CLN6: variants seen among roughly 807,000 people sequenced by gnomAD.
CLN6 encodes the protein ceroid-lipofuscinosis neuronal protein 6.
In CLN6, 22 loss-of-function variants were observed where a neutral mutation model predicts 33.3. The observed-to-expected ratio is 0.66, with a 90% confidence interval of 0.47 to 0.94. The LOEUF (loss-of-function observed/expected upper bound fraction) is 0.94. Among genes scored for constraint, CLN6 ranks in the 40% least tolerant of loss-of-function variants. CLN6 has a pLI of 0.00. For synonymous variants in CLN6, 201 were observed against 174.6 expected (o/e 1.15, Z -1.19); for missense variants, 387 against 417.1 (o/e 0.93, Z 0.63).
At chr15:68,251,588 T>C (rs1242104571) in intron 1 of CLN6, among the ~76,000 whole-genome samples, 1 of 152,080 alleles carries the variant, frequency 6.6e-6, no homozygotes, top group Non-Finnish European at 1.5e-5. Context: ...GGCAGAAGAA[T>C]CGCTTGAGCC....
intron 1 of CLN6, chr15:68,255,010 T>A: frequency 1.4e-6 from 1 of 718,174 alleles, no homozygotes; most frequent in Non-Finnish European, 2.5e-6. Flanking sequence ...TACCTTTTTT[T>A]TAAGCTATGT....
At chr15:68,234,302 G>A (rs1368429405), upstream of CLN6, among the ~76,000 whole-genome samples, 1 of 152,192 alleles carries the variant, frequency 6.6e-6, no homozygotes, top group South Asian at 2.1e-4. The surrounding 1 kb of genome is among the most constrained non-coding windows in gnomAD (Gnocchi z 4.1). Context: ...GCAGAATGTG[G>A]GTGGCCTCTT....
In CLN6 at chr15:68,229,521, C is replaced by T. The variant is rs527373013; in HGVS notation, c.64G>A (p.Ala22Thr). 52 of 1,466,290 alleles carry T rather than the reference C, an allele frequency of 3.5e-5. No individual in the cohort carries two copies. The highest frequency in any genetic ancestry group is 3.9e-5 in the Non-Finnish European group (44 of 1,114,116). 90.8% of individuals were successfully genotyped at this position (1,466,290 alleles called of 1,614,324 possible). ...GCCCACCTGGCCTGCAGGAAGGAGG[C>T]GCCCAGCTGCGCGCCTGGGCCGCCC... is the stretch of plus-strand genomic sequence containing the variant. Reference protein sequence around the residue: ...ATGGPGAQLGASFLQARHGSV... With the variant: ...ATGGPGAQLGTSFLQARHGSV... The change falls in exon 1 of 7, where the codon GCC becomes ACC. Residue 22 changes from alanine (A) to threonine (T), a missense_variant. Ala to Thr is a moderately conservative substitution (Grantham distance 58). Coordinates refer to ENST00000249806, the MANE Select transcript of CLN6 (RefSeq NM_017882.3).
intron 1 of CLN6, among the ~76,000 whole-genome samples, chr15:68,245,119 T>G (rs1892317934): frequency 6.6e-6 from 1 of 150,636 alleles, no homozygotes; most frequent in South Asian, 2.1e-4. Context: ...GGAGATGGAG[T>G]TAAAGTGCAG....
At chr15:68,234,069 G>A (rs897147048), upstream of CLN6, among the ~76,000 whole-genome samples, 1 of 152,166 alleles carries the variant, frequency 6.6e-6, no homozygotes, top group East Asian at 1.9e-4. This position sits in a 1 kb window ranked among gnomAD's most constrained non-coding sequence, Gnocchi z 4.1. Flanking sequence ...GGATTTAGGG[G>A]TGTCTTAGGG....
Position 68,208,106 on chromosome 15 carries a change from A to ACCCCC in CLN6, c.*33_*34insGGGGG. On this transcript the variant is annotated 3_prime_UTR_variant, in exon 7 of 7. Transcript: ENST00000249806. This position sits in a 1 kb window ranked among gnomAD's most constrained non-coding sequence, Gnocchi z 5.8. ...GATGCCCTCCATGGCCCACCCTCCC[A>ACCCCC]CCCAGCAGAGCGCCAGAGCCTGGTG... 2.5e-5 allele frequency: 11 copies of ACCCCC among 441,300 alleles called. No homozygotes were observed. Among genetic ancestry groups the ACCCCC allele is most frequent in the Admixed American group, 3.1e-5 (1 of 31,778 alleles). 27.3% of individuals were successfully genotyped at this position (441,300 alleles called of 1,614,324 possible).
intron 1 of CLN6, among the ~76,000 whole-genome samples, chr15:68,249,737 G>A (rs1251950547): frequency 6.6e-6 from 1 of 152,142 alleles, no homozygotes; most frequent in African/African-American, 2.4e-5. Context: ...TATTCGATAA[G>A]GTGACTGTAG....
Position 68,210,814 on chromosome 15 carries a change from G to A in CLN6, c.542+449C>T, listed in dbSNP as rs533824395. On this transcript the variant is annotated intron_variant, in intron 5 of 6. Coordinates refer to ENST00000249806, the MANE Select transcript of CLN6 (RefSeq NM_017882.3). This position sits in a 1 kb window ranked among gnomAD's most constrained non-coding sequence, Gnocchi z 5.6. ...CCCAGCCTGATCCAGCTGGCTCCCC[G>A]CAGCTTCCTCCACTCCCAAAGAGCA... Among the ~76,000 whole-genome samples, 8 of 152,268 alleles carry A rather than the reference G, an allele frequency of 5.3e-5. No individual in the cohort carries two copies. The highest frequency in any genetic ancestry group is 7.2e-5 in the African/African-American group (3 of 41,558).
At chr15:68,237,180 A>AC (rs1892228565) in intron 1 of CLN6, among the ~76,000 whole-genome samples, 2 of 149,916 alleles carry the variant, frequency 1.3e-5, no homozygotes, top group East Asian at 4.0e-4. Flanking sequence ...AAAAAAAAAA[A>AC]AAAAAAAAAC....
At position 68,227,612 on chromosome 15, in the gene CLN6, C is replaced by T. The variant is rs560748621; in HGVS notation, c.83+1890G>A. Among the ~76,000 whole-genome samples the T allele has an allele frequency of 2.0e-5, 3 of 152,324 alleles. No homozygotes were observed. The highest frequency in any genetic ancestry group is 7.2e-5 in the African/African-American group (3 of 41,590). ...TGGGAATACCCTGGCTGGTGGGGAGCTCACACAGGGGAAGAGGGACATGAC... is the reference window on the plus strand; with the variant it reads ...TGGGAATACCCTGGCTGGTGGGGAGTTCACACAGGGGAAGAGGGACATGAC... On this transcript the variant is annotated intron_variant, in intron 1 of 6. Coordinates refer to ENST00000249806, the MANE Select transcript of CLN6 (RefSeq NM_017882.3). This position sits in a 1 kb window ranked among gnomAD's most constrained non-coding sequence, Gnocchi z 4.1.
At position 68,210,953 on chromosome 15, in the gene CLN6, G is replaced by A. The variant is rs781639564; in HGVS notation, c.542+310C>T. 1.6e-4 allele frequency among the ~76,000 whole-genome samples: 24 copies of A among 152,156 alleles called. No homozygotes were observed. The highest frequency in any genetic ancestry group is 4.6e-4 in the African/African-American group (19 of 41,436). On this transcript the variant is annotated intron_variant, in intron 5 of 6. Transcript: ENST00000249806. The surrounding 1 kb of genome is among the most constrained non-coding windows in gnomAD (Gnocchi z 5.6). ...CCCACCCTCAGGGCTCAGGCTTGGCGAGGAAGGACCAAAGCCACTCGCTGC... is the reference window on the plus strand; with the variant it reads ...CCCACCCTCAGGGCTCAGGCTTGGCAAGGAAGGACCAAAGCCACTCGCTGC...
In CLN6 at chr15:68,227,644, G is replaced by C. The variant is rs1385654636; in HGVS notation, c.83+1858C>G. 1.3e-5 allele frequency among the ~76,000 whole-genome samples: 2 copies of C among 152,214 alleles called. No homozygotes were observed. The highest frequency in any genetic ancestry group is 4.8e-5 in the African/African-American group (2 of 41,454). ...AGGGGAAGAGGGACATGACTCCTTA[G>C]CAGCCAAAGTGGAGTCGTAAGAGCA... On this transcript the variant is annotated intron_variant, in intron 1 of 6. Coordinates refer to ENST00000249806, the MANE Select transcript of CLN6 (RefSeq NM_017882.3). This position sits in a 1 kb window ranked among gnomAD's most constrained non-coding sequence, Gnocchi z 4.1.
rs1256385648 is a variant in CLN6 at position 68,227,045 on chromosome 15, C to CTT, written c.83+2455_83+2456dup. ...TACTTTCTTTTCTTTTCTTTTTTTACTTTTTTTTTTTTTTGAGACAGTCTC... is the reference window on the plus strand; with the variant it reads ...TACTTTCTTTTCTTTTCTTTTTTTACTTTTTTTTTTTTTTTTGAGACAGTCTC... On this transcript the variant is annotated intron_variant, in intron 1 of 6. Coordinates refer to ENST00000249806, the MANE Select transcript of CLN6 (RefSeq NM_017882.3). The surrounding 1 kb of genome is among the most constrained non-coding windows in gnomAD (Gnocchi z 4.1). Among the ~76,000 whole-genome samples, 158 of 142,974 alleles carry CTT rather than the reference C, an allele frequency of 1.1e-3. 1 individual carries two copies. The highest frequency in any genetic ancestry group is 3.9e-3 in the African/African-American group (152 of 39,304). 93.8% of individuals were successfully genotyped at this position (142,974 alleles called of 152,430 possible).
chr15:68,254,999 T>G (rs1892419552), intron 1 of CLN6: 1 of 757,932 alleles, frequency 1.3e-6, no homozygotes, highest in East Asian at 2.5e-5. Context: ...GAATTTTGTT[T>G]TACCTTTTTT....
Position 68,218,458 on chromosome 15 carries a change from T to A in CLN6, c.198+78A>T, listed in dbSNP as rs1291153352. On this transcript the variant is annotated intron_variant, in intron 2 of 6. Coordinates refer to ENST00000249806, the MANE Select transcript of CLN6 (RefSeq NM_017882.3). ...GGAGATAAAGGAGAAGTGACTTGTC[T>A]AAGGTCACTCGGCAAATTCAAGCCA... is the stretch of plus-strand genomic sequence containing the variant. The A allele has an allele frequency of 5.8e-6, 6 of 1,030,596 alleles. No homozygotes were observed. The South Asian group carries it at 7.6e-5, about 13-fold the overall frequency. 63.8% of individuals were successfully genotyped at this position (1,030,596 alleles called of 1,614,324 possible).
At chr15:68,239,551 T>C (rs755783709) in intron 1 of CLN6, among the ~76,000 whole-genome samples, 13 of 152,094 alleles carry the variant, frequency 8.5e-5, no homozygotes, top group Non-Finnish European at 1.8e-4. Context: ...GTTTTATTTA[T>C]CAGGAAGATG....
Position 68,211,394 on chromosome 15 carries a change from C to T in CLN6, c.487-76G>A, listed in dbSNP as rs2093204718. On this transcript the variant is annotated intron_variant, in intron 4 of 6. Coordinates refer to ENST00000249806, the MANE Select transcript of CLN6 (RefSeq NM_017882.3). The surrounding 1 kb of genome is among the most constrained non-coding windows in gnomAD (Gnocchi z 5.9). ...GGGAGGTGCTGGGGCCCCAAGCATCCCCTCTGACCACCCTTCTCCCAGTCC... is the reference window on the plus strand; with the variant it reads ...GGGAGGTGCTGGGGCCCCAAGCATCTCCTCTGACCACCCTTCTCCCAGTCC... 2.6e-6 allele frequency: 4 copies of T among 1,559,966 alleles called. No individual in the cohort carries two copies. The highest frequency in any genetic ancestry group is 3.5e-6 in the Non-Finnish European group (4 of 1,131,742).
chr15:68,212,211 C>T (rs2093208188), intron 3 of CLN6: 1 of 300,880 alleles, frequency 3.3e-6, no homozygotes, highest in African/African-American at 2.2e-5. Context: ...CCCACTGTCC[C>T]TGGCTGTGTC....
At chr15:68,217,379 A>C (rs1306576670) in intron 2 of CLN6, among the ~76,000 whole-genome samples, 1 of 152,136 alleles carries the variant, frequency 6.6e-6, no homozygotes, top group Non-Finnish European at 1.5e-5. Context: ...ACAGGTGCAC[A>C]TCACCACACC....
Sources: allele counts gnomAD v4.1 joint callset (sites outside exome capture counted in the v4.1 genomes callset), GRCh38; gene constraint gnomAD v4.1.1; non-coding constraint Gnocchi (gnomAD v3.1); transcripts MANE v1.5; gene names NCBI Gene and HGNC (gene_info 2026-07-23, HGNC 2026-07-21).